Variants in HAUS6 observed in about 807,000 individuals in gnomAD.
HAUS6 encodes HAUS augmin like complex subunit 6, also known as HAUS augmin-like complex subunit 6.
Under a neutral mutation model 106.8 loss-of-function variants are expected in HAUS6, and 80 were observed. The ratio of observed to expected loss-of-function variants is 0.75; its 90% confidence interval spans 0.63 to 0.90. HAUS6 has a LOEUF of 0.90. Among genes scored for constraint, HAUS6 ranks in the 40% least tolerant of loss-of-function variants. HAUS6 has a pLI of 0.00. For synonymous variants in HAUS6, 356 were observed against 379.1 expected (o/e 0.94, Z 0.71); for missense variants, 1,155 against 1,118.1 (o/e 1.03, Z -0.47).
chr9:19,092,775 A>C (rs959839973), intron 4 of HAUS6, among the ~76,000 whole-genome samples: 1 of 151,540 alleles, frequency 6.6e-6, no homozygotes, highest in African/African-American at 2.4e-5. Flanking sequence ...AATACAAAAA[A>C]TTAGCCAGTC....
At chr9:19,090,331 TATA>T (rs1817717119) in intron 4 of HAUS6, among the ~76,000 whole-genome samples, 1 of 152,170 alleles carries the variant, frequency 6.6e-6, no homozygotes, top group South Asian at 2.1e-4. Flanking sequence ...TACCTCAAAT[TATA>T]ATAAGAGCTA....
At position 19,096,732 on chromosome 9, in the gene HAUS6, T is replaced by C; in HGVS notation, c.166A>G (p.Ile56Val). 6.4e-7 allele frequency: 1 copy of C among 1,567,506 alleles called. No homozygotes were observed. Among genetic ancestry groups the C allele is most frequent in the South Asian group, 1.2e-5 (1 of 84,810 alleles). Reference protein sequence around the residue: ...FDKLNRDAFHIISYFLFQVLD... With the variant: ...FDKLNRDAFHVISYFLFQVLD... ...ACTTGAAACAAAAAATAAGAAATTA[T>C]ATGAAAGGCATCACGGTTCAGCTTG... The change falls in exon 2 of 17, where the codon ATA becomes GTA. Residue 56 changes from isoleucine (I) to valine (V), a missense_variant. This residue lies in a region of HAUS6 where 761 missense variants were observed against 690.0 expected (regional missense o/e 1.10). Coordinates refer to ENST00000380502, the MANE Select transcript of HAUS6 (RefSeq NM_017645.5).
chr9:19,081,747 A>G (rs903857847), intron 8 of HAUS6, among the ~76,000 whole-genome samples: 5 of 152,074 alleles, frequency 3.3e-5, no homozygotes, highest in South Asian at 2.1e-4. Flanking sequence ...ACAGTTTCCA[A>G]TACTTTTTAA....
chr9:19,063,028 G>T lies in HAUS6; in HGVS notation c.1609C>A (p.Gln537Lys). Residue 537 changes from glutamine to lysine, a missense_variant, in exon 14 of 17, where the codon CAA becomes AAA. Physicochemically the swap from Gln to Lys is moderately conservative, Grantham distance 53 (BLOSUM62 1). Around this residue, in one of 3 missense-constraint regions of HAUS6, gnomAD observed 761 missense variants for 690.0 expected, o/e 1.10. Transcript: ENST00000380502. ...AKKSDPFQKE[Q>K]DHLVEEVARA... ...CTCACCTCTTCTACCAGATGATCTT[G>T]CTCTTTTTGAAATGGATCACTTTTT... 1 of 1,610,158 alleles carries T rather than the reference G, an allele frequency of 6.2e-7. No homozygotes were observed. Among genetic ancestry groups the T allele is most frequent in the Non-Finnish European group, 8.5e-7 (1 of 1,178,414 alleles).
chr9:19,072,723 A>G (rs1034240680), intron 11 of HAUS6, among the ~76,000 whole-genome samples: 4 of 152,208 alleles, frequency 2.6e-5, no homozygotes, highest in Non-Finnish European at 4.4e-5. Context: ...TTCAGAGTCC[A>G]AGAACTAAGC....
chr9:19,095,236 A>T (rs1355617115), intron 2 of HAUS6, among the ~76,000 whole-genome samples: 1 of 152,112 alleles, frequency 6.6e-6, no homozygotes, highest in African/African-American at 2.4e-5. Context: ...GGTCAAAAAT[A>T]TTAGGGTTTA....
rs1457170684 is a variant in HAUS6 at position 19,101,249 on chromosome 9, G to A, written c.128+1275C>T. ...AACATAAATAAAACAGGCCAGGCTC[G>A]GTGGCTCACATCTGTAATCCCAGCA... is the stretch of plus-strand genomic sequence containing the variant. On this transcript the variant is annotated intron_variant, in intron 1 of 16. Coordinates refer to ENST00000380502, the MANE Select transcript of HAUS6 (RefSeq NM_017645.5). 5.9e-5 allele frequency among the ~76,000 whole-genome samples: 9 copies of A among 152,256 alleles called. No homozygotes were observed. In the South Asian group the frequency reaches 1.5e-3, roughly 25 times the overall value.
At chr9:19,077,608 G>A (rs1047532531) in intron 10 of HAUS6, among the ~76,000 whole-genome samples, 2 of 151,972 alleles carry the variant, frequency 1.3e-5, no homozygotes, top group African/African-American at 4.8e-5. Flanking sequence ...CTAAATAACA[G>A]CAACTTATGG....
Position 19,102,510 on chromosome 9 carries a change from C to T in HAUS6, c.128+14G>A, listed in dbSNP as rs1818012322. 2 of 1,611,450 alleles carry T rather than the reference C, an allele frequency of 1.2e-6. No individual in the cohort carries two copies. Among genetic ancestry groups the T allele is most frequent in the Admixed American group, 1.7e-5 (1 of 59,668 alleles). On this transcript the variant is annotated intron_variant, in intron 1 of 16. Transcript: ENST00000380502. Reference sequence around the variant, plus strand: ...GTTCAGGCTCCCTCGCCCCGCCGGCCCCGGCCTCCTTACACTCCGAGGTGC... The same window carrying T: ...GTTCAGGCTCCCTCGCCCCGCCGGCTCCGGCCTCCTTACACTCCGAGGTGC...
Position 19,063,050 on chromosome 9 carries a change from T to A in HAUS6, c.1587A>T (p.Lys529Asn), listed in dbSNP as rs1423925859. The part of the protein sequence containing the change: ...SAFGGSLPAK[K>N]SDPFQKEQDH... Reference sequence around the variant, plus strand: ...CTTGCTCTTTTTGAAATGGATCACTTTTTTTAGCTGGCAAAGACCCTCCAA... The same window carrying A: ...CTTGCTCTTTTTGAAATGGATCACTATTTTTAGCTGGCAAAGACCCTCCAA... Residue 529 changes from lysine to asparagine, a missense_variant, in exon 14 of 17, where the codon AAA becomes AAT. Lys to Asn is a moderately conservative substitution (Grantham distance 94). Coordinates refer to ENST00000380502, the MANE Select transcript of HAUS6 (RefSeq NM_017645.5). 2 of 1,611,708 alleles carry A rather than the reference T, an allele frequency of 1.2e-6. No homozygotes were observed. The highest frequency in any genetic ancestry group is 2.2e-5 in the South Asian group (2 of 90,962).
rs1202873243 is a variant in HAUS6 at position 19,060,171 on chromosome 9, A to C, written c.1682T>G (p.Ile561Arg). The change falls in exon 15 of 17, where the codon ATA (isoleucine) becomes AGA (arginine). Residue 561 changes from isoleucine to arginine, a missense_variant. Coordinates refer to ENST00000380502, the MANE Select transcript of HAUS6 (RefSeq NM_017645.5). ...DSPQLSEGKE[I>R]KLEELIDSLG... ...AGAGTCAATTAGTTCCTCTAATTTT[A>C]TTTCTTTTCCTTCAGAGAGCTGTGG... 3.1e-6 allele frequency: 5 copies of C among 1,595,282 alleles called. No homozygotes were observed. In the South Asian group the frequency reaches 3.4e-5, roughly 11 times the overall value.
At position 19,056,149 on chromosome 9, in the gene HAUS6, T is replaced by TA. The variant is rs34804956; in HGVS notation, c.*193dup. ...ACTTCACATTTCAATCTCATATACC[T>TA]ACAAAGAGGAAAAAATCCAAACATA... On this transcript the variant is annotated 3_prime_UTR_variant, in exon 17 of 17. Transcript: ENST00000380502. 0.21 allele frequency: 102,395 copies of TA among 498,056 alleles called. 11,674 individuals are homozygous for TA. The highest frequency in any genetic ancestry group is 0.35 in the African/African-American group (17,972 of 51,920). The allele number at this position is 498,056 out of a possible 1,614,324, so 30.9% of individuals were successfully genotyped here.
intron 12 of HAUS6, 67 bp from the exon 13 acceptor site, chr9:19,063,647 T>G: frequency 9.5e-7 from 1 of 1,057,558 alleles, no homozygotes; most frequent in Non-Finnish European, 1.5e-6. Flanking sequence ...TTTACGAGTC[T>G]ATTCTAAAAT....
In HAUS6 at chr9:19,054,441, GAAGA is replaced by G. The variant is rs1489385244; in HGVS notation, c.*1898_*1901del. ...AAGCTGCCATCACATTGGTTTAGGA[GAAGA>G]AAGTGACAGATCTGAGATACTTTTT... On this transcript the variant is annotated 3_prime_UTR_variant, in exon 17 of 17. Coordinates refer to ENST00000380502, the MANE Select transcript of HAUS6 (RefSeq NM_017645.5). 2.6e-5 allele frequency: 4 copies of G among 152,192 alleles called. No individual in the cohort carries two copies. The highest frequency in any genetic ancestry group is 9.6e-5 in the African/African-American group (4 of 41,460). The allele number at this position is 152,192 out of a possible 1,614,324, so 9.4% of individuals were successfully genotyped here. A position where few individuals can be genotyped will look rare whatever the true frequency, so the allele number is the denominator to read the frequency against.
chr9:19,076,167 C>A (rs962054790), intron 11 of HAUS6, among the ~76,000 whole-genome samples: 1 of 150,802 alleles, frequency 6.6e-6, no homozygotes, highest in Non-Finnish European at 1.5e-5. Flanking sequence ...CAAGATCAGC[C>A]CGGGCAACAT....
chr9:19,078,327 T>C (rs949589334), intron 9 of HAUS6, 25 bp from the exon 10 acceptor site: 20 of 1,287,352 alleles, frequency 1.6e-5, no homozygotes, highest in Non-Finnish European at 1.9e-5. Flanking sequence ...AAAAACTTTA[T>C]TCAAAAGATG....
At chr9:19,086,636 A>T in intron 7 of HAUS6, 98 bp downstream of exon 7, 2 of 583,292 alleles carry the variant, frequency 3.4e-6, no homozygotes, top group Non-Finnish European at 6.1e-6. Flanking sequence ...AAAAAAAAAA[A>T]AGTGGTAAAT....
Position 19,053,542 on chromosome 9 carries a change from T to C in HAUS6, c.*2801A>G, listed in dbSNP as rs1564003579. 1.3e-5 allele frequency: 2 copies of C among 152,224 alleles called. No individual in the cohort carries two copies. Among genetic ancestry groups the C allele is most frequent in the Admixed American group, 6.5e-5 (1 of 15,278 alleles). 9.4% of individuals were successfully genotyped at this position (152,224 alleles called of 1,614,324 possible). ...AAATGTTAACTTCAGCTATTCTTTA[T>C]TCCACTTGATGACATTTTTCATGTT... On this transcript the variant is annotated 3_prime_UTR_variant, in exon 17 of 17. Coordinates refer to ENST00000380502, the MANE Select transcript of HAUS6 (RefSeq NM_017645.5).
rs748880821 is a variant in HAUS6 at position 19,096,740 on chromosome 9, G to C, written c.158C>G (p.Ala53Gly). 1.9e-6 allele frequency: 3 copies of C among 1,561,098 alleles called. No homozygotes were observed. Among genetic ancestry groups the C allele is most frequent in the African/African-American group, 2.8e-5 (2 of 72,416 alleles). The part of the protein sequence containing the change: ...VNMFDKLNRD[A>G]FHIISYFLFQ... Reference sequence around the variant, plus strand: ...CAAAAAATAAGAAATTATATGAAAGGCATCACGGTTCAGCTTGTCAAACAT... The same window carrying C: ...CAAAAAATAAGAAATTATATGAAAGCCATCACGGTTCAGCTTGTCAAACAT... The change falls in exon 2 of 17, where the codon GCC becomes GGC. Residue 53 changes from alanine to glycine, a missense_variant. Physicochemically the swap from Ala to Gly is moderately conservative, Grantham distance 60 (BLOSUM62 0). Coordinates refer to ENST00000380502, the MANE Select transcript of HAUS6 (RefSeq NM_017645.5).
Sources: allele counts gnomAD v4.1 joint callset (sites outside exome capture counted in the v4.1 genomes callset), GRCh38; gene constraint gnomAD v4.1.1; regional missense constraint gnomAD v4.1.1; transcripts MANE v1.5; gene names NCBI Gene and HGNC (gene_info 2026-07-23, HGNC 2026-07-21).